Variants in HHAT observed in about 807,000 individuals in gnomAD.
The protein encoded by HHAT is hedgehog acyltransferase.
In HHAT, 47 loss-of-function variants were observed where a neutral mutation model predicts 70.8. The ratio of observed to expected loss-of-function variants is 0.66; its 90% CI spans 0.53 to 0.85. The LOEUF (loss-of-function observed/expected upper bound fraction) is 0.85, where lower values mean the gene tolerates loss of function less well. HHAT is among the 40% of genes least tolerant of loss of function. The probability of loss-of-function intolerance (pLI) is 0.00; values close to 1 mark genes in which losing one functional copy is unlikely to be tolerated. For synonymous variants in HHAT, 228 were observed against 247.6 expected (o/e 0.92, Z 0.74); for missense variants, 609 against 604.8 (o/e 1.01, Z -0.07).
At position 210,345,182 on chromosome 1, in the gene HHAT, G is replaced by A. The variant is rs79502276; in HGVS notation, c.-43-3751G>A. On this transcript the variant is annotated intron_variant, in intron 1 of 11. Coordinates refer to ENST00000261458, the MANE Select transcript of HHAT (RefSeq NM_018194.6). ...GGGAGTGAGTATGAGTGGGTTCTGC[G>A]CTGGGATGGCATCCTGTCCAGGGCT... 5.1e-3 allele frequency among the ~76,000 whole-genome samples: 778 copies of A among 152,178 alleles called. 3 individuals are homozygous for A. The highest frequency in any genetic ancestry group is 0.01 in the Middle Eastern group (3 of 294).
intron 8 of HHAT, among the ~76,000 whole-genome samples, chr1:210,496,010 C>CAAAAAAAAAAAAAAAAAAAAAA (rs10639399): frequency 8.8e-5 from 6 of 67,948 alleles, no homozygotes; most frequent in African/African-American, 1.4e-4. Flanking sequence ...AACTCTATCT[C>CAAAAAAAAAAAAAAAAAAAAAA]AAAAAAAAAA....
intron 7 of HHAT, among the ~76,000 whole-genome samples, chr1:210,448,641 C>T (rs574557774): frequency 2.0e-5 from 3 of 152,248 alleles, no homozygotes; most frequent in South Asian, 4.2e-4. Context: ...CCAAAGTAGC[C>T]ATTCTCATCC....
Position 210,513,070 on chromosome 1 carries a change from T to G in HHAT, c.1008-83T>G. ...CAATCCATTTAGTCATACTATGAAT[T>G]TAAATTATAAATATAGTTGTCTAGT... On this transcript the variant is annotated intron_variant, in intron 8 of 11. Coordinates refer to ENST00000261458, the MANE Select transcript of HHAT (RefSeq NM_018194.6). The G allele has an allele frequency of 3.6e-6, 3 of 837,978 alleles. No homozygotes were observed. The South Asian group carries it at 4.6e-5, about 13-fold the overall frequency. The allele number at this position is 837,978 out of a possible 1,614,324, so 51.9% of individuals were successfully genotyped here. A position where few individuals can be genotyped will look rare whatever the true frequency, so the allele number is the denominator to read the frequency against.
intron 10 of HHAT, among the ~76,000 whole-genome samples, chr1:210,608,344 T>A (rs1377932523): frequency 1.3e-5 from 2 of 152,208 alleles, no homozygotes; most frequent in Non-Finnish European, 2.9e-5. Context: ...TCCTCAGTTA[T>A]TTAAAAGATC....
intron 11 of HHAT, among the ~76,000 whole-genome samples, chr1:210,662,694 G>T (rs915771149): frequency 2.0e-5 from 3 of 151,578 alleles, no homozygotes; most frequent in African/African-American, 7.3e-5. Flanking sequence ...TTCTGCTTGT[G>T]CTGTCAGAAT....
At chr1:210,386,389 C>T (rs1228412041) in intron 3 of HHAT, among the ~76,000 whole-genome samples, 1 of 150,356 alleles carries the variant, frequency 6.7e-6, no homozygotes, top group East Asian at 1.9e-4. Context: ...CAGGCGCCCG[C>T]CACTACGCCC....
chr1:210,587,832 C>T, intron 9 of HHAT, 66 bp from the exon 10 acceptor site: 1 of 1,181,844 alleles, frequency 8.5e-7, no homozygotes, highest in Non-Finnish European at 1.2e-6. Flanking sequence ...GATAGTCAAG[C>T]TGGGGAGCAG....
At chr1:210,344,352 T>G (rs1008078771) in intron 1 of HHAT, among the ~76,000 whole-genome samples, 3 of 152,032 alleles carry the variant, frequency 2.0e-5, no homozygotes, top group Admixed American at 2.0e-4. Context: ...GGCCACTGTC[T>G]GTGGAGTTTG....
At chr1:210,438,656 T>G (rs1258479956) in intron 7 of HHAT, among the ~76,000 whole-genome samples, 1 of 151,842 alleles carries the variant, frequency 6.6e-6, no homozygotes, top group African/African-American at 2.4e-5. Flanking sequence ...GTCTGTGAAC[T>G]GACTCAGGTC....
intron 11 of HHAT, among the ~76,000 whole-genome samples, chr1:210,630,202 G>C (rs1371540845): frequency 6.6e-6 from 1 of 152,152 alleles, no homozygotes; most frequent in Non-Finnish European, 1.5e-5. Context: ...GGATAGTCCA[G>C]AGTAATCTCC....
chr1:210,574,395 G>T (rs955291419), intron 9 of HHAT, among the ~76,000 whole-genome samples: 1 of 152,154 alleles, frequency 6.6e-6, no homozygotes, highest in Non-Finnish European at 1.5e-5. Flanking sequence ...TGAAATTAGT[G>T]GCATAAGAGG....
intron 6 of HHAT, among the ~76,000 whole-genome samples, chr1:210,406,645 C>A (rs1242151592): frequency 6.6e-6 from 1 of 152,174 alleles, no homozygotes; most frequent in Non-Finnish European, 1.5e-5. Context: ...CTGCCCTCAG[C>A]CTCCCAAAGT....
intron 9 of HHAT, among the ~76,000 whole-genome samples, chr1:210,558,202 T>A (rs17016432): frequency 0.061 from 9,334 of 152,082 alleles, 878 homozygotes; most frequent in African/African-American, 0.2. Flanking sequence ...TACCCAGCAA[T>A]TGGTGGGTGG....
At chr1:210,390,031 A>T (rs1041016472) in intron 4 of HHAT, among the ~76,000 whole-genome samples, 4 of 152,218 alleles carry the variant, frequency 2.6e-5, no homozygotes, top group African/African-American at 9.7e-5. Flanking sequence ...CATCCTTAAA[A>T]GTAAAGATGA....
intron 8 of HHAT, among the ~76,000 whole-genome samples, chr1:210,501,604 C>T (rs946556686): frequency 2.0e-5 from 3 of 152,246 alleles, no homozygotes; most frequent in Admixed American, 6.5e-5. Context: ...AAACCCATGT[C>T]TGCAATCTGC....
Position 210,623,637 on chromosome 1 carries a change from G to T in HHAT, c.1357G>T (p.Gly453Trp). The change falls in exon 11 of 12, where the codon GGG (glycine) becomes TGG (tryptophan). Residue 453 changes from glycine (G) to tryptophan (W), a missense_variant. Physicochemically the swap from Gly to Trp is radical, Grantham distance 184. Coordinates refer to ENST00000261458, the MANE Select transcript of HHAT (RefSeq NM_018194.6). ...GGTATTTCTTGGGGGCAATGAGGTT[G>T]GGAAAACCTACTGGAATAGGATCTT... ...NLVFLGGNEV[G>W]KTYWNRIFIQ... The T allele has an allele frequency of 9.3e-6, 15 of 1,614,006 alleles. No individual in the cohort carries two copies. Among genetic ancestry groups the T allele is most frequent in the Non-Finnish European group, 1.3e-5 (15 of 1,179,962 alleles).
chr1:210,530,645 C>T (rs1466288187), intron 9 of HHAT, among the ~76,000 whole-genome samples: 1 of 152,096 alleles, frequency 6.6e-6, no homozygotes, highest in Non-Finnish European at 1.5e-5. Flanking sequence ...GCAGACTTTG[C>T]ACGGACTTGA....
At chr1:210,535,431 TTGTGTGTGTG>T (rs144319730) in intron 9 of HHAT, among the ~76,000 whole-genome samples, 4 of 149,764 alleles carry the variant, frequency 2.7e-5, no homozygotes, top group African/African-American at 9.8e-5. Context: ...CATTGTGTGT[TTGTGTGTGTG>T]TGTGTGTGTG....
chr1:210,669,356 T>C (rs1459936498), intron 11 of HHAT, among the ~76,000 whole-genome samples: 1 of 151,822 alleles, frequency 6.6e-6, no homozygotes, highest in African/African-American at 2.4e-5. Flanking sequence ...CTTCAGCCAT[T>C]TCCCTCTGTG....
Sources: gnomAD v4.1 joint callset for allele counts (sites outside exome capture counted in the v4.1 genomes callset) on GRCh38, gnomAD v4.1.1 for gene constraint, MANE v1.5 for transcripts, NCBI Gene and HGNC (gene_info 2026-07-23, HGNC 2026-07-21) for gene names.